PDE4B: variants seen among roughly 807,000 people sequenced by gnomAD.
The protein encoded by PDE4B is phosphodiesterase 4B, also known as 3',5'-cyclic-AMP phosphodiesterase 4B.
Under a neutral mutation model 82.2 loss-of-function variants are expected in PDE4B, and 20 were observed. The ratio of observed to expected loss-of-function variants is 0.24; its 90% CI spans 0.17 to 0.35. The LOEUF (loss-of-function observed/expected upper bound fraction) is 0.35. Among genes scored for constraint, PDE4B ranks in the 10% least tolerant of loss-of-function variants. PDE4B has a pLI of 1.00. For synonymous variants in PDE4B, 320 were observed against 318.9 expected (o/e 1.00, Z -0.04); for missense variants, 655 against 907.2 (o/e 0.72, Z 3.57).
At chr1:66,184,864 G>C (rs923582177) in intron 3 of PDE4B, among the ~76,000 whole-genome samples, 2 of 149,618 alleles carry the variant, frequency 1.3e-5, no homozygotes, top group South Asian at 4.2e-4. Context: ...TGTACTTTAA[G>C]TTTTAGGGTA....
intron 3 of PDE4B, among the ~76,000 whole-genome samples, chr1:66,183,162 T>C (rs570497): frequency 0.19 from 28,726 of 152,060 alleles, 2,833 homozygotes; most frequent in Non-Finnish European, 0.22. Context: ...CAGCCTTTTG[T>C]GCTGAGTTCT....
chr1:66,274,961 CCTGAGACTATAGAAAT>C, intron 7 of PDE4B, among the ~76,000 whole-genome samples: 1 of 151,868 alleles, frequency 6.6e-6, no homozygotes, highest in Admixed American at 6.5e-5. Context: ...TTTTTTTCCT[CCTGAGACTATAGAAAT>C]CTTGTTATAT....
intron 3 of PDE4B, among the ~76,000 whole-genome samples, chr1:66,043,507 G>T (rs1318820054): frequency 6.6e-6 from 1 of 151,674 alleles, no homozygotes; most frequent in Non-Finnish European, 1.5e-5. Flanking sequence ...AAAGTTAAGG[G>T]GAACATAGAA....
intron 3 of PDE4B, among the ~76,000 whole-genome samples, chr1:66,100,804 A>T (rs756949349): frequency 1.3e-5 from 2 of 152,096 alleles, no homozygotes; most frequent in African/African-American, 2.4e-5. Context: ...TTTAATAGTT[A>T]ATTTGAATAG....
intron 2 of PDE4B, among the ~76,000 whole-genome samples, chr1:65,915,135 C>T (rs1056784367): frequency 6.6e-6 from 1 of 152,088 alleles, no homozygotes; most frequent in Non-Finnish European, 1.5e-5. Flanking sequence ...TTTAACATTA[C>T]ACTTTTGGTT....
intron 3 of PDE4B, among the ~76,000 whole-genome samples, chr1:66,225,260 T>C (rs1163482498): frequency 6.6e-6 from 1 of 152,198 alleles, no homozygotes; most frequent in Non-Finnish European, 1.5e-5. Context: ...TCACCCCCCG[T>C]TCTCACCTCA....
chr1:65,839,776 G>A (rs1191727902), intron 1 of PDE4B, among the ~76,000 whole-genome samples: 1 of 152,030 alleles, frequency 6.6e-6, no homozygotes, highest in Non-Finnish European at 1.5e-5. Context: ...TAATCCTTTG[G>A]GTATATACCC....
chr1:66,053,356 A>T (rs1655137263), intron 3 of PDE4B, among the ~76,000 whole-genome samples: 1 of 152,206 alleles, frequency 6.6e-6, no homozygotes, highest in African/African-American at 2.4e-5. Flanking sequence ...AAATCTAAGA[A>T]TCTGCAAGTT....
chr1:66,218,898 G>A (rs1650730656), intron 3 of PDE4B, among the ~76,000 whole-genome samples: 2 of 152,092 alleles, frequency 1.3e-5, no homozygotes, highest in South Asian at 4.2e-4. Context: ...TGTTTTATTG[G>A]GTTTTAATTG....
intron 7 of PDE4B, among the ~76,000 whole-genome samples, chr1:66,308,559 G>C (rs1230946209): frequency 4.6e-5 from 7 of 152,246 alleles, no homozygotes; most frequent in East Asian, 3.9e-4. Flanking sequence ...TCAAAGATTA[G>C]TGTTTGTCTC....
intron 1 of PDE4B, among the ~76,000 whole-genome samples, chr1:65,821,843 G>A (rs1348068388): frequency 2.0e-5 from 3 of 152,248 alleles, no homozygotes; most frequent in Middle Eastern, 3.4e-3. Flanking sequence ...GGATATGAAT[G>A]TCCATCTTTT....
chr1:66,372,754 G>A lies in PDE4B; in HGVS notation c.*76G>A, dbSNP rs2050830299. On this transcript the variant is annotated 3_prime_UTR_variant, in exon 17 of 17. Transcript: ENST00000341517. ...CTATGTGGTAGGGCCAGCCCACCATGGGGGCCAAGACCTGCACAGGACAAG... is the reference window on the plus strand; with the variant it reads ...CTATGTGGTAGGGCCAGCCCACCATAGGGGCCAAGACCTGCACAGGACAAG... 2.0e-6 allele frequency: 3 copies of A among 1,483,480 alleles called. No individual in the cohort carries two copies. The highest frequency in any genetic ancestry group is 4.0e-5 in the Admixed American group (2 of 50,176). 91.9% of individuals were successfully genotyped at this position (1,483,480 alleles called of 1,614,324 possible).
chr1:65,887,319 T>C (rs12739288), intron 1 of PDE4B, among the ~76,000 whole-genome samples: 14 of 103,094 alleles, frequency 1.4e-4, no homozygotes, highest in Admixed American at 3.0e-4. Context: ...CTCCCTCCCT[T>C]CCTTCCTTCT....
intron 7 of PDE4B, among the ~76,000 whole-genome samples, chr1:66,325,263 A>G (rs1248705392): frequency 3.3e-5 from 5 of 152,210 alleles, no homozygotes; most frequent in Admixed American, 6.5e-5. Flanking sequence ...CAATTAATAC[A>G]CACTTCTCAT....
chr1:66,358,510 A>G (rs1176549559), intron 9 of PDE4B, among the ~76,000 whole-genome samples: 1 of 152,230 alleles, frequency 6.6e-6, no homozygotes, highest in African/African-American at 2.4e-5. Flanking sequence ...CCCTGTCTCT[A>G]CTAAAAATAC....
chr1:65,895,420 G>A (rs905187779), intron 1 of PDE4B, among the ~76,000 whole-genome samples: 4 of 151,716 alleles, frequency 2.6e-5, no homozygotes, highest in Admixed American at 1.3e-4. Flanking sequence ...CATGGTGGCA[G>A]GCACCTGTAA....
chr1:65,984,685 G>A (rs1650864129), intron 3 of PDE4B, among the ~76,000 whole-genome samples: 1 of 152,080 alleles, frequency 6.6e-6, no homozygotes, highest in Non-Finnish European at 1.5e-5. Context: ...AACCTGAGAG[G>A]TGGAGGTTGC....
intron 7 of PDE4B, among the ~76,000 whole-genome samples, chr1:66,279,245 C>T (rs751165769): frequency 1.3e-5 from 2 of 152,036 alleles, no homozygotes; most frequent in Non-Finnish European, 2.9e-5. Context: ...GGCATAAGTT[C>T]TTCCTTCATT....
chr1:66,048,977 A>G (rs1007893101), intron 3 of PDE4B: 4 of 151,988 alleles, frequency 2.6e-5, no homozygotes, highest in African/African-American at 9.7e-5. Context: ...TCTTTAGTCA[A>G]TCTATCTACT....
Sources: gnomAD v4.1 joint callset for allele counts (sites outside exome capture counted in the v4.1 genomes callset) on GRCh38, gnomAD v4.1.1 for gene constraint, MANE v1.5 for transcripts, NCBI Gene and HGNC (gene_info 2026-07-23, HGNC 2026-07-21) for gene names.